The following SOAT2 variants were observed in gnomAD, a reference collection of about 807,000 sequenced individuals.
The protein encoded by SOAT2 is sterol O-acyltransferase 2, also known as ACAT-2.
SOAT2 carries 87 observed loss-of-function variants against 76.0 expected under a neutral mutation model. The observed-to-expected ratio is 1.14, with a 90% confidence interval of 0.96 to 1.37. SOAT2 has a LOEUF of 1.37. Among genes scored for constraint, SOAT2 ranks in the 40% most tolerant of loss-of-function variants. The pLI is 0.00. For missense variants in SOAT2, 686 were observed against 682.1 expected (o/e 1.01, Z -0.06); for synonymous variants, 285 against 275.4 (o/e 1.03, Z -0.34).
rs1474756754 is a variant in SOAT2 at position 53,103,674 on chromosome 12, G to A, written c.82+15G>A. On this transcript the variant is annotated intron_variant, in intron 1 of 14. Transcript: ENST00000301466. The stretch of plus-strand genomic sequence containing the variant: ...CTGTGGAGATGGTGAGCCGCCCTCG[G>A]GGGTGCAGAAGGCACAGGCAAGTGG... 1 of 1,516,022 alleles carries A rather than the reference G, an allele frequency of 6.6e-7. No individual in the cohort carries two copies. Among genetic ancestry groups the A allele is most frequent in the Non-Finnish European group, 8.8e-7 (1 of 1,133,844 alleles). 93.9% of individuals were successfully genotyped at this position (1,516,022 alleles called of 1,614,324 possible).
intron 1 of SOAT2, 135 bp from the exon 2 acceptor site, chr12:53,104,016 C>A: frequency 1.2e-6 from 1 of 820,346 alleles, no homozygotes; most frequent in Admixed American, 1.8e-5. Context: ...TAGCCCCAAC[C>A]ATGATACTAG....
intron 5 of SOAT2, among the ~76,000 whole-genome samples, chr12:53,109,645 C>G (rs1448417346): frequency 1.3e-5 from 2 of 152,080 alleles, no homozygotes; most frequent in Non-Finnish European, 2.9e-5. Context: ...CCACACCCAG[C>G]TAATTTTTTT....
At chr12:53,110,862 T>C (rs1938000222) in intron 5 of SOAT2, among the ~76,000 whole-genome samples, 1 of 152,152 alleles carries the variant, frequency 6.6e-6, no homozygotes, top group Non-Finnish European at 1.5e-5. Context: ...ATAACTTTTT[T>C]TATGCCTCTC....
chr12:53,115,374 C>A lies in SOAT2; in HGVS notation c.444-16C>A. 6.3e-7 allele frequency: 1 copy of A among 1,580,772 alleles called. No individual in the cohort carries two copies. Among genetic ancestry groups the A allele is most frequent in the Non-Finnish European group, 8.6e-7 (1 of 1,162,340 alleles). On this transcript the variant is annotated splice_polypyrimidine_tract_variant and intron_variant, in intron 5 of 14. Transcript: ENST00000301466. ...GGCTTCACTTGTCTACTTTGTCTCT[C>A]CTTCCCCACTCCAAGGCTGCTGCTG...
rs537379911 is a variant in SOAT2, at chr12:53,105,065, G to C, written c.139-42G>C. 59 of 1,544,772 alleles carry C rather than the reference G, an allele frequency of 3.8e-5. No individual in the cohort carries two copies. In the South Asian group the frequency reaches 6.4e-4, roughly 17 times the overall value. On this transcript the variant is annotated intron_variant, in intron 2 of 14. Transcript: ENST00000301466. Reference sequence around the variant, plus strand: ...ATGTCTGGTGAATGAAAGGATGGCTGACTGGAGGGACAGTGGGCTCTACCC... The same window carrying C: ...ATGTCTGGTGAATGAAAGGATGGCTCACTGGAGGGACAGTGGGCTCTACCC...
chr12:53,105,555 A>T lies in SOAT2; in HGVS notation c.276-6A>T. The stretch of plus-strand genomic sequence containing the variant: ...TTCCTGACCCTGAACAAACATCTCA[A>T]TTCAGGACCCAGGAGCCATCCCTGG... On this transcript the variant is annotated splice_region_variant and splice_polypyrimidine_tract_variant and intron_variant, in intron 3 of 14. Coordinates refer to ENST00000301466, the MANE Select transcript of SOAT2 (RefSeq NM_003578.4). 5.0e-6 allele frequency: 8 copies of T among 1,610,290 alleles called. No homozygotes were observed. Among genetic ancestry groups the T allele is most frequent in the Non-Finnish European group, 6.8e-6 (8 of 1,177,832 alleles).
Position 53,122,991 on chromosome 12 carries a change from G to A in SOAT2, c.1237-90G>A, listed in dbSNP as rs867028057. On this transcript the variant is annotated intron_variant, in intron 12 of 14. Transcript: ENST00000301466. ...CCCCCCCACCTCCCTGCCGGACTGGGCGGCTGGCCGGGCGGGGGGCTGGAG... is the reference window on the plus strand; with the variant it reads ...CCCCCCCACCTCCCTGCCGGACTGGACGGCTGGCCGGGCGGGGGGCTGGAG... 37 of 1,389,944 alleles carry A rather than the reference G, an allele frequency of 2.7e-5. No homozygotes were observed. In the African/African-American group the frequency reaches 5.3e-4, roughly 20 times the overall value. The allele number at this position is 1,389,944 out of a possible 1,614,324, so 86.1% of individuals were successfully genotyped here. A position where few individuals can be genotyped will look rare whatever the true frequency, so the allele number is the denominator to read the frequency against.
At chr12:53,112,929 G>A (rs1282362692) in intron 5 of SOAT2, among the ~76,000 whole-genome samples, 2 of 151,616 alleles carry the variant, frequency 1.3e-5, no homozygotes, top group Non-Finnish European at 2.9e-5. Context: ...ACAGACGTCC[G>A]CCACCACACC....
intron 5 of SOAT2, among the ~76,000 whole-genome samples, chr12:53,112,183 T>C (rs1938022374): frequency 6.6e-6 from 1 of 152,150 alleles, no homozygotes. Flanking sequence ...GAGTAGCTTC[T>C]GTTGTAATAG....
chr12:53,116,543 A>G (rs1371370887), intron 7 of SOAT2, among the ~76,000 whole-genome samples: 1 of 152,200 alleles, frequency 6.6e-6, no homozygotes, highest in African/African-American at 2.4e-5. Flanking sequence ...CACCAGCTGC[A>G]TTAGCCCTTA....
Position 53,120,932 on chromosome 12 carries a change from G to A in SOAT2, c.1137+49G>A, listed in dbSNP as rs758624413. 4.9e-6 allele frequency: 7 copies of A among 1,418,572 alleles called. No individual in the cohort carries two copies. The Admixed American group carries it at 6.7e-5, about 14-fold the overall frequency. 87.9% of individuals were successfully genotyped at this position (1,418,572 alleles called of 1,614,324 possible). On this transcript the variant is annotated intron_variant, in intron 11 of 14. Coordinates refer to ENST00000301466, the MANE Select transcript of SOAT2 (RefSeq NM_003578.4). Reference sequence around the variant, plus strand: ...TGGAAGCTGGAGATAGGGAGGGTTAGGGAGGGATCTGGGGAAGATGGTAGC... The same window carrying A: ...TGGAAGCTGGAGATAGGGAGGGTTAAGGAGGGATCTGGGGAAGATGGTAGC...
chr12:53,103,739 C>A, intron 1 of SOAT2, 80 bp downstream of exon 1: 1 of 1,163,170 alleles, frequency 8.6e-7, no homozygotes, highest in Non-Finnish European at 1.2e-6. Flanking sequence ...GAGAAGGCTC[C>A]AACTGCCTGA....
At chr12:53,120,990 C>A in intron 11 of SOAT2, 107 bp downstream of exon 11, 1 of 843,112 alleles carries the variant, frequency 1.2e-6, no homozygotes, top group Non-Finnish European at 2.0e-6. Flanking sequence ...ATGCTGTTCA[C>A]CTCCCATAAT....
chr12:53,118,516 GGC>G, intron 8 of SOAT2, 82 bp downstream of exon 8: 1 of 1,017,768 alleles, frequency 9.8e-7, no homozygotes. Context: ...GAGGTCCTCA[GGC>G]TCACCTCAGG....
At position 53,119,035 on chromosome 12, in the gene SOAT2, G is replaced by A. The variant is rs1592279209; in HGVS notation, c.910-89G>A. 5.6e-6 allele frequency: 9 copies of A among 1,610,306 alleles called. No individual in the cohort carries two copies. In the East Asian group the frequency reaches 2.0e-4, roughly 36 times the overall value. ...AGGCAGTGGGAGGGTGATGCCAAGG[G>A]AAGAGAAGGCCAGTGCTGGGCCAGA... On this transcript the variant is annotated intron_variant, in intron 9 of 14. Transcript: ENST00000301466.
chr12:53,124,096 A>G lies in SOAT2; in HGVS notation c.1542A>G (p.Thr514=). The change falls in exon 15 of 15, where the codon ACA becomes ACG. Residue 514 remains threonine, a synonymous_variant. Coordinates refer to ENST00000301466, the MANE Select transcript of SOAT2 (RefSeq NM_003578.4). The part of the protein sequence containing the change: ...LPQATFWGLV[T]PRSWSCHT Reference sequence around the variant, plus strand: ...AGGCAACTTTCTGGGGGCTGGTGACACCTCGATCTTGGTCCTGCCATACCT... The same window carrying G: ...AGGCAACTTTCTGGGGGCTGGTGACGCCTCGATCTTGGTCCTGCCATACCT... The G allele has an allele frequency of 1.2e-6, 2 of 1,614,058 alleles. No homozygotes were observed.
intron 13 of SOAT2, among the ~76,000 whole-genome samples, chr12:53,123,419 G>A (rs777972997): frequency 3.3e-5 from 5 of 152,192 alleles, no homozygotes; most frequent in East Asian, 3.8e-4. Context: ...GTATCCTGGG[G>A]CATGTGGGAG....
intron 1 of SOAT2, among the ~76,000 whole-genome samples, 182 bp downstream of exon 1, chr12:53,103,841 G>A (rs866041753): frequency 2.0e-5 from 3 of 152,200 alleles, no homozygotes; most frequent in Admixed American, 2.0e-4. Flanking sequence ...ACAGAAAAGA[G>A]CTATGTCAGA....
chr12:53,118,495 C>T (rs747809969), intron 8 of SOAT2, 61 bp downstream of exon 8: 4 of 1,250,116 alleles, frequency 3.2e-6, no homozygotes, highest in Non-Finnish European at 4.7e-6. Context: ...CCCTTCTACT[C>T]TCCCCTCCCT....
Sources: allele counts gnomAD v4.1 joint callset (sites outside exome capture counted in the v4.1 genomes callset), GRCh38; gene constraint gnomAD v4.1.1; transcripts MANE v1.5; gene names NCBI Gene and HGNC (gene_info 2026-07-23, HGNC 2026-07-21).